The following CADM2 variants were observed in gnomAD, a reference collection of about 807,000 sequenced individuals.
The protein encoded by CADM2 is immunoglobulin superfamily member 4D.
In CADM2, 12 loss-of-function variants were observed where a neutral mutation model predicts 49.8. The ratio of observed to expected loss-of-function variants is 0.24; its 90% CI spans 0.15 to 0.39. CADM2 has a LOEUF of 0.39. Among genes scored for constraint, CADM2 ranks in the 10% least tolerant of loss-of-function variants. CADM2 has a pLI of 1.00. For missense variants in CADM2, 378 were observed against 492.3 expected, an observed-to-expected ratio of 0.77 and a Z score of 2.20; for synonymous variants, 214 against 175.4, an observed-to-expected ratio of 1.22 and a Z score of -1.74.
At chr3:85,368,854 T>C (rs1267548054) in intron 1 of CADM2, among the ~76,000 whole-genome samples, 2 of 152,138 alleles carry the variant, frequency 1.3e-5, no homozygotes, top group Non-Finnish European at 1.5e-5. Context: ...TTCTGTCTCA[T>C]TGCACCCTAT....
intron 1 of CADM2, among the ~76,000 whole-genome samples, chr3:84,993,858 AAC>A (rs1237905147): frequency 6.6e-6 from 1 of 152,170 alleles, no homozygotes; most frequent in Non-Finnish European, 1.5e-5. Context: ...TAGGAATTGA[AAC>A]ACAACAGTAA....
chr3:85,995,014 T>TAAAAA lies in CADM2; in HGVS notation c.970+33383_970+33387dup, dbSNP rs59038758. Among the ~76,000 whole-genome samples, 107 of 83,012 alleles carry TAAAAA rather than the reference T, an allele frequency of 1.3e-3. 8 individuals carry two copies. Among genetic ancestry groups the TAAAAA allele is most frequent in the African/African-American group, 4.0e-3 (83 of 20,540 alleles). The allele number at this position is 83,012 out of a possible 152,430, so 54.5% of individuals were successfully genotyped here. On this transcript the variant is annotated intron_variant, in intron 8 of 9. Coordinates refer to ENST00000383699, the MANE Select transcript of CADM2 (RefSeq NM_001167675.2). ...GGGTTGCCACAAATCTTCGATTTGTTAAAAAAAAAAAAAAAAAAAATCATT... is the reference window on the plus strand; with the variant it reads ...GGGTTGCCACAAATCTTCGATTTGTTAAAAAAAAAAAAAAAAAAAAAAAAATCATT...
chr3:85,652,842 A>C (rs375718997), intron 1 of CADM2, among the ~76,000 whole-genome samples: 6 of 125,382 alleles, frequency 4.8e-5, no homozygotes, highest in African/African-American at 1.6e-4. Context: ...CAATGACATG[A>C]TCTCGGTTCA....
chr3:85,497,142 G>T, intron 1 of CADM2, among the ~76,000 whole-genome samples: 1 of 152,106 alleles, frequency 6.6e-6, no homozygotes, highest in East Asian at 1.9e-4. Flanking sequence ...GTCTTCTTTT[G>T]AGAAGTGTCT....
At chr3:85,561,179 G>T (rs2062086516) in intron 1 of CADM2, among the ~76,000 whole-genome samples, 1 of 151,960 alleles carries the variant, frequency 6.6e-6, no homozygotes, top group South Asian at 2.1e-4. Flanking sequence ...CATGTTCATT[G>T]TTCATGTTCA....
intron 8 of CADM2, among the ~76,000 whole-genome samples, chr3:86,023,868 A>C (rs1277923350): frequency 2.0e-5 from 3 of 152,172 alleles, no homozygotes; most frequent in Non-Finnish European, 4.4e-5. Flanking sequence ...ATGGATCAGT[A>C]TTAAGAAAAA....
intron 3 of CADM2, chr3:85,828,177 T>A (rs1360675196): frequency 6.6e-6 from 1 of 151,956 alleles, no homozygotes; most frequent in African/African-American, 2.4e-5. Context: ...CCAAGCTTCT[T>A]GTAGGTTTGG....
chr3:85,504,449 G>A (rs946363804), intron 1 of CADM2, among the ~76,000 whole-genome samples: 1 of 152,176 alleles, frequency 6.6e-6, no homozygotes, highest in East Asian at 1.9e-4. Context: ...ACTGCTGCTC[G>A]GGCAGCCTGC....
intron 1 of CADM2, among the ~76,000 whole-genome samples, chr3:85,443,986 A>G (rs1342871429): frequency 1.3e-5 from 2 of 152,018 alleles, no homozygotes; most frequent in Admixed American, 6.6e-5. Flanking sequence ...CATTCCTTCC[A>G]CAGTATTTAC....
At chr3:85,363,635 G>A (rs966501750) in intron 1 of CADM2, among the ~76,000 whole-genome samples, 2 of 151,970 alleles carry the variant, frequency 1.3e-5, no homozygotes, top group African/African-American at 2.4e-5. Context: ...TTTTTGAGAC[G>A]GAGTCTCGCT....
intron 1 of CADM2, among the ~76,000 whole-genome samples, chr3:85,496,420 C>T (rs1276645111): frequency 6.6e-6 from 1 of 152,162 alleles, no homozygotes; most frequent in African/African-American, 2.4e-5. Context: ...ATATGTACCA[C>T]ATTTTCTTTA....
At chr3:85,471,861 A>G (rs1303646630) in intron 1 of CADM2, among the ~76,000 whole-genome samples, 1 of 151,658 alleles carries the variant, frequency 6.6e-6, no homozygotes, top group East Asian at 1.9e-4. Flanking sequence ...GATTAACATA[A>G]ATTTGTACCT....
At chr3:85,735,851 A>G (rs958730373) in intron 2 of CADM2, among the ~76,000 whole-genome samples, 2 of 147,520 alleles carry the variant, frequency 1.4e-5, no homozygotes, top group Admixed American at 1.4e-4. Context: ...CTCAGTTTTC[A>G]TCATGTAAAG....
At chr3:85,799,649 A>G (rs1188681609) in intron 2 of CADM2, among the ~76,000 whole-genome samples, 1 of 152,130 alleles carries the variant, frequency 6.6e-6, no homozygotes, top group African/African-American at 2.4e-5. Context: ...AAGGTTTTTA[A>G]TGTGCTGCTG....
At chr3:85,459,558 A>T (rs1255995249) in intron 1 of CADM2, among the ~76,000 whole-genome samples, 1 of 152,236 alleles carries the variant, frequency 6.6e-6, no homozygotes, top group Non-Finnish European at 1.5e-5. Context: ...TCTTATTAAT[A>T]TCAAATTAGT....
intron 1 of CADM2, among the ~76,000 whole-genome samples, chr3:85,027,408 G>A (rs1238232144): frequency 6.6e-6 from 1 of 151,784 alleles, no homozygotes; most frequent in East Asian, 1.9e-4. Flanking sequence ...ACCGCGCCCA[G>A]CCTATTATCT....
chr3:85,832,820 G>A (rs1410095044), intron 3 of CADM2, among the ~76,000 whole-genome samples: 1 of 151,682 alleles, frequency 6.6e-6, no homozygotes, highest in African/African-American at 2.4e-5. Context: ...TGAGTGCTCC[G>A]GCTAGGAATT....
intron 8 of CADM2, among the ~76,000 whole-genome samples, chr3:86,033,692 A>G (rs961954693): frequency 2.7e-5 from 4 of 145,674 alleles, no homozygotes; most frequent in African/African-American, 9.9e-5. Flanking sequence ...TATATGAGAT[A>G]GTTATTTGTT....
At chr3:85,449,024 T>C (rs780493887) in intron 1 of CADM2, among the ~76,000 whole-genome samples, 12 of 142,148 alleles carry the variant, frequency 8.4e-5, no homozygotes, top group Non-Finnish European at 1.2e-4. Context: ...AACTCCAGCC[T>C]CGGCAAAGGG....
Sources: gnomAD v4.1 joint callset for allele counts (sites outside exome capture counted in the v4.1 genomes callset) on GRCh38, gnomAD v4.1.1 for gene constraint, MANE v1.5 for transcripts, NCBI Gene and HGNC (gene_info 2026-07-23, HGNC 2026-07-21) for gene names.